SNX29: variants seen among roughly 807,000 people sequenced by gnomAD.
SNX29 encodes the protein sorting nexin-29.
SNX29 carries 78 observed loss-of-function variants against 102.1 expected under a neutral mutation model. The observed-to-expected ratio is 0.76, with a 90% CI of 0.64 to 0.92. SNX29 has a LOEUF of 0.92. SNX29 is among the 40% of genes least tolerant of loss of function. The probability of loss-of-function intolerance (pLI) is 0.00; values close to 1 mark genes in which losing one functional copy is unlikely to be tolerated. For synonymous variants in SNX29, 580 were observed against 414.5 expected, an observed-to-expected ratio of 1.40 and a Z score of -4.85; for missense variants, 1,280 against 1,061.7, an observed-to-expected ratio of 1.21 and a Z score of -2.86.
intron 14 of SNX29, among the ~76,000 whole-genome samples, chr16:12,220,524 A>G (rs2077449231): frequency 6.6e-6 from 1 of 152,138 alleles, no homozygotes; most frequent in Non-Finnish European, 1.5e-5. Flanking sequence ...GACCTGGTGA[A>G]AAATGGAAAG....
intron 14 of SNX29, among the ~76,000 whole-genome samples, chr16:12,255,757 C>T (rs550174251): frequency 6.6e-6 from 1 of 152,090 alleles, no homozygotes; most frequent in Admixed American, 6.5e-5. Flanking sequence ...ATATACGTCA[C>T]GTTTTGTTTA....
chr16:12,552,009 C>A (rs1483131218), intron 20 of SNX29, among the ~76,000 whole-genome samples: 3 of 152,198 alleles, frequency 2.0e-5, no homozygotes, highest in African/African-American at 7.2e-5. Context: ...TGGTCCCTGT[C>A]TCTAAAAAAC....
At chr16:11,996,573 G>T (rs1381610487) in intron 1 of SNX29, among the ~76,000 whole-genome samples, 21 of 152,080 alleles carry the variant, frequency 1.4e-4, no homozygotes, top group Admixed American at 1.3e-3. Flanking sequence ...CTTTTATGAT[G>T]AGAAAAAAAT....
intron 16 of SNX29, among the ~76,000 whole-genome samples, chr16:12,385,341 C>A (rs935130826): frequency 6.6e-6 from 1 of 152,224 alleles, no homozygotes; most frequent in African/African-American, 2.4e-5. Context: ...ATGTTGCCTG[C>A]AGCAGGAAGT....
At chr16:12,137,930 G>A (rs1162964253) in intron 13 of SNX29, among the ~76,000 whole-genome samples, 5 of 152,206 alleles carry the variant, frequency 3.3e-5, no homozygotes, top group African/African-American at 9.6e-5. Flanking sequence ...GGCGGGAAAA[G>A]CCAGTAGGCT....
intron 20 of SNX29, among the ~76,000 whole-genome samples, chr16:12,541,767 C>G (rs1409474334): frequency 6.6e-6 from 1 of 152,160 alleles, no homozygotes; most frequent in Non-Finnish European, 1.5e-5. Flanking sequence ...TGATACTGAC[C>G]TGCGTTTCCA....
At chr16:12,564,207 G>A (rs1216348721) in intron 20 of SNX29, among the ~76,000 whole-genome samples, 1 of 137,828 alleles carries the variant, frequency 7.3e-6, no homozygotes, top group Non-Finnish European at 1.6e-5. Flanking sequence ...GGGCACCATA[G>A]GGAGACCCCC....
At chr16:12,563,875 A>G (rs1434882582) in intron 20 of SNX29, among the ~76,000 whole-genome samples, 5 of 152,166 alleles carry the variant, frequency 3.3e-5, no homozygotes, top group Non-Finnish European at 2.9e-5. Flanking sequence ...CCCCATCTCT[A>G]GCCCCTTGGG....
intron 15 of SNX29, among the ~76,000 whole-genome samples, chr16:12,322,530 T>A (rs947348221): frequency 1.3e-5 from 2 of 152,188 alleles, no homozygotes; most frequent in African/African-American, 4.8e-5. Flanking sequence ...AGATTCTTTA[T>A]AATATACAAA....
At chr16:12,550,087 A>T (rs1217519784) in intron 20 of SNX29, among the ~76,000 whole-genome samples, 1 of 152,242 alleles carries the variant, frequency 6.6e-6, no homozygotes, top group Non-Finnish European at 1.5e-5. Flanking sequence ...GAAGTTTGCC[A>T]ACCTATGGGC....
At chr16:12,044,001 G>A (rs1344080031) in intron 5 of SNX29, among the ~76,000 whole-genome samples, 3 of 152,136 alleles carry the variant, frequency 2.0e-5, no homozygotes, top group African/African-American at 4.8e-5. Flanking sequence ...TGATCTGCCC[G>A]CCTAGGCCTC....
intron 1 of SNX29, 108 bp downstream of exon 1, chr16:11,976,921 C>G: frequency 9.5e-6 from 12 of 1,259,722 alleles, no homozygotes; most frequent in Non-Finnish European, 1.1e-5. Context: ...CTCGCAGACC[C>G]CCTCCCAGTC....
rs140454730 is a variant in SNX29, at chr16:12,118,138, G to C, written c.1403-8495G>C. Among the ~76,000 whole-genome samples the C allele has an allele frequency of 1.7e-3, 258 of 151,970 alleles. 1 individual carries two copies. The highest frequency in any genetic ancestry group is 5.9e-3 in the African/African-American group (245 of 41,448). ...AAAAAAAACTTTCAGCTGTGCCACC[G>C]CTCCCCACCCGCTTCTCACTAGCCA... On this transcript the variant is annotated intron_variant, in intron 11 of 20. Transcript: ENST00000566228.
chr16:12,567,255 T>TC (rs2079050069), intron 20 of SNX29, among the ~76,000 whole-genome samples: 1 of 152,036 alleles, frequency 6.6e-6, no homozygotes, highest in Admixed American at 6.5e-5. Context: ...AGTCCTGTCT[T>TC]CCCTTGTAGG....
At chr16:12,357,032 T>A (rs934816068) in intron 16 of SNX29, among the ~76,000 whole-genome samples, 1 of 152,280 alleles carries the variant, frequency 6.6e-6, no homozygotes, top group African/African-American at 2.4e-5. Flanking sequence ...GTAGTGTCTT[T>A]GTAAACATTT....
At chr16:12,160,927 C>A (rs1434437508) in intron 13 of SNX29, among the ~76,000 whole-genome samples, 1 of 152,194 alleles carries the variant, frequency 6.6e-6, no homozygotes, top group African/African-American at 2.4e-5. Context: ...TCACTTCTGG[C>A]CTTGTGCCGG....
intron 15 of SNX29, among the ~76,000 whole-genome samples, chr16:12,335,595 G>C (rs1023980997): frequency 1.3e-5 from 2 of 152,132 alleles, no homozygotes; most frequent in South Asian, 2.1e-4. Context: ...AGGATCTCTT[G>C]AGCCTAGGCA....
At chr16:12,156,169 C>G (rs1003381926) in intron 13 of SNX29, among the ~76,000 whole-genome samples, 2 of 152,024 alleles carry the variant, frequency 1.3e-5, no homozygotes, top group Admixed American at 1.3e-4. Flanking sequence ...TTGTCTCTTT[C>G]TAATCTATTT....
At chr16:12,469,275 T>C (rs1306098393) in intron 18 of SNX29, among the ~76,000 whole-genome samples, 1 of 152,248 alleles carries the variant, frequency 6.6e-6, no homozygotes, top group African/African-American at 2.4e-5. Flanking sequence ...TGCAATAATA[T>C]CCGTCTATCG....
Sources: allele counts gnomAD v4.1 joint callset (sites outside exome capture counted in the v4.1 genomes callset), GRCh38; gene constraint gnomAD v4.1.1; transcripts MANE v1.5; gene names NCBI Gene and HGNC (gene_info 2026-07-23, HGNC 2026-07-21).